PHF14: variants seen among roughly 807,000 people sequenced by gnomAD.
PHF14 encodes the protein PHD finger protein 14.
PHF14 carries 55 observed loss-of-function variants against 117.9 expected under a neutral mutation model. That is an observed-to-expected ratio of 0.47 (90% CI 0.38 to 0.58). The LOEUF (loss-of-function observed/expected upper bound fraction) is 0.58. Among genes scored for constraint, PHF14 ranks in the 20% least tolerant of loss-of-function variants. The pLI is 0.00. For synonymous variants in PHF14, 409 were observed against 368.6 expected (o/e 1.11, Z -1.26); for missense variants, 978 against 1,122.2 (o/e 0.87, Z 1.84).
chr7:11,100,444 T>C (rs1483093890), intron 16 of PHF14, among the ~76,000 whole-genome samples: 2 of 151,968 alleles, frequency 1.3e-5, no homozygotes, highest in African/African-American at 4.8e-5. Context: ...GAGAGGTAAC[T>C]GGGGTACATA....
intron 16 of PHF14, among the ~76,000 whole-genome samples, chr7:11,097,140 C>T (rs947725305): frequency 2.0e-5 from 3 of 151,792 alleles, no homozygotes; most frequent in Non-Finnish European, 2.9e-5. Context: ...CCACCATGCC[C>T]GGCTAATTTT....
intron 16 of PHF14, among the ~76,000 whole-genome samples, chr7:11,096,240 G>T (rs2128339974): frequency 6.6e-6 from 1 of 152,120 alleles, no homozygotes; most frequent in Non-Finnish European, 1.5e-5. Flanking sequence ...CATGTATTTT[G>T]TAAAGAAGAT....
At chr7:11,154,936 C>G (rs1173794850) in intron 17 of PHF14, among the ~76,000 whole-genome samples, 1 of 151,828 alleles carries the variant, frequency 6.6e-6, no homozygotes, top group Non-Finnish European at 1.5e-5. Flanking sequence ...GAATTGGCTT[C>G]TATTTAATAA....
In PHF14 at chr7:11,042,612, ATATGC is replaced by A. The variant is rs2128324053; in HGVS notation, c.2181-67_2181-63del. On this transcript the variant is annotated intron_variant, in intron 12 of 17. Transcript: ENST00000634607. ...AAGATGAAATTTTGTAAGTTGAAAA[ATATGC>A]TATAAGTAAACTGTTTCACTATGAT... The A allele has an allele frequency of 3.8e-6, 4 of 1,066,328 alleles. No individual in the cohort carries two copies. In the South Asian group the frequency reaches 7.3e-5, roughly 19 times the overall value. The allele number at this position is 1,066,328 out of a possible 1,614,324, so 66.1% of individuals were successfully genotyped here. A position where few individuals can be genotyped will look rare whatever the true frequency, so the allele number is the denominator to read the frequency against.
chr7:11,035,635 T>C lies in PHF14; in HGVS notation c.1456-5T>C. On this transcript the variant is annotated splice_region_variant and splice_polypyrimidine_tract_variant and intron_variant, in intron 7 of 17. Coordinates refer to ENST00000634607, the MANE Select transcript of PHF14 (RefSeq NM_001007157.2). ...TCACTATTTTTCTGTGCTTTCTTTG[T>C]ATAGGATATAGCAGATCCATTCTTT... 6.3e-7 allele frequency: 1 copy of C among 1,580,418 alleles called. No individual in the cohort carries two copies. The highest frequency in any genetic ancestry group is 8.6e-7 in the Non-Finnish European group (1 of 1,159,812).
intron 17 of PHF14, among the ~76,000 whole-genome samples, chr7:11,128,979 C>A (rs1161535416): frequency 2.0e-5 from 3 of 151,816 alleles, no homozygotes; most frequent in Non-Finnish European, 4.4e-5. Context: ...TGCTATTGAT[C>A]TTTTTATATC....
intron 2 of PHF14, 58 bp from the exon 3 acceptor site, chr7:10,982,308 TTGTGTG>T: frequency 3.1e-6 from 3 of 977,624 alleles, no homozygotes; most frequent in Non-Finnish European, 4.3e-6. Context: ...TGTGTCAGCG[TTGTGTG>T]TGTGTGTGTG....
intron 5 of PHF14, among the ~76,000 whole-genome samples, chr7:11,020,768 A>C (rs1449921008): frequency 6.6e-6 from 1 of 151,882 alleles, no homozygotes; most frequent in Non-Finnish European, 1.5e-5. Context: ...AAATCAGTTA[A>C]TTTTTCTGAA....
At chr7:11,029,477 A>T (rs1344489064) in intron 7 of PHF14, among the ~76,000 whole-genome samples, 3 of 152,194 alleles carry the variant, frequency 2.0e-5, no homozygotes, top group African/African-American at 7.2e-5. Flanking sequence ...CAATTTTGAG[A>T]ATCCAGCTAC....
At chr7:11,059,719 A>G (rs1785146749) in intron 14 of PHF14, among the ~76,000 whole-genome samples, 1 of 152,126 alleles carries the variant, frequency 6.6e-6, no homozygotes, top group African/African-American at 2.4e-5. Context: ...AACTACAGTG[A>G]GCTGAGATTG....
intron 14 of PHF14, among the ~76,000 whole-genome samples, chr7:11,060,845 C>T (rs1785199098): frequency 1.3e-5 from 2 of 151,932 alleles, no homozygotes; most frequent in African/African-American, 4.8e-5. Context: ...TTAGTTGACT[C>T]TTGGTTATCT....
At chr7:11,003,847 A>G (rs1782969492) in intron 4 of PHF14, among the ~76,000 whole-genome samples, 1 of 152,214 alleles carries the variant, frequency 6.6e-6, no homozygotes. Context: ...ACAATTTGGT[A>G]TGTATCTACC....
intron 17 of PHF14, among the ~76,000 whole-genome samples, chr7:11,167,613 T>C (rs529686954): frequency 6.6e-6 from 1 of 152,324 alleles, no homozygotes; most frequent in South Asian, 2.1e-4. Flanking sequence ...AATTCAGTGC[T>C]ACATATCAAA....
Position 10,985,638 on chromosome 7 carries a change from GTTTTTTTTTTTT to G in PHF14, c.900+2499_900+2510del, listed in dbSNP as rs61250143. On this transcript the variant is annotated intron_variant, in intron 3 of 17. Transcript: ENST00000634607. ...ACTCTCTAGCAGTGATTCTCAAACT[GTTTTTTTTTTTT>G]TTTTTTTTTTTTTTTTTTTGGAGAC... 8.9e-4 allele frequency among the ~76,000 whole-genome samples: 41 copies of G among 45,964 alleles called. No homozygotes were observed. The East Asian group carries it at 0.017, about 19-fold the overall frequency. The allele number at this position is 45,964 out of a possible 152,430, so 30.2% of individuals were successfully genotyped here.
intron 3 of PHF14, among the ~76,000 whole-genome samples, chr7:10,985,197 A>G (rs1782175554): frequency 6.6e-6 from 1 of 152,206 alleles, no homozygotes; most frequent in African/African-American, 2.4e-5. Flanking sequence ...GATTAAAGCT[A>G]GTCCTTGTTG....
At chr7:11,052,022 A>G (rs1349530985) in intron 14 of PHF14, among the ~76,000 whole-genome samples, 1 of 152,196 alleles carries the variant, frequency 6.6e-6, no homozygotes, top group African/African-American at 2.4e-5. Flanking sequence ...ACCCACCTTG[A>G]AAGACAGACC....
Position 11,111,342 on chromosome 7 carries a change from C to T in PHF14, c.2655-8C>T. 1 of 1,431,134 alleles carries T rather than the reference C, an allele frequency of 7.0e-7. No homozygotes were observed. Among genetic ancestry groups the T allele is most frequent in the Non-Finnish European group, 9.8e-7 (1 of 1,020,008 alleles). The allele number at this position is 1,431,134 out of a possible 1,614,324, so 88.7% of individuals were successfully genotyped here. A position where few individuals can be genotyped will look rare whatever the true frequency, so the allele number is the denominator to read the frequency against. On this transcript the variant is annotated splice_region_variant and splice_polypyrimidine_tract_variant and intron_variant, in intron 16 of 17. Transcript: ENST00000634607. Reference sequence around the variant, plus strand: ...ATACACCTACCTATAAATCTGTTTACCCTGCAGGTGTGATGAATGCAGACT... The same window carrying T: ...ATACACCTACCTATAAATCTGTTTATCCTGCAGGTGTGATGAATGCAGACT...
chr7:10,974,529 G>A (rs1172799060), intron 1 of PHF14, among the ~76,000 whole-genome samples: 1 of 152,140 alleles, frequency 6.6e-6, no homozygotes, highest in Non-Finnish European at 1.5e-5. Flanking sequence ...ATGTCTAAGT[G>A]GGGGATTACG....
chr7:11,161,142 T>A (rs1789012024), intron 17 of PHF14, among the ~76,000 whole-genome samples: 1 of 152,182 alleles, frequency 6.6e-6, no homozygotes, highest in Non-Finnish European at 1.5e-5. Flanking sequence ...GGCTAGCCAG[T>A]TGCCAGCACC....
Sources: gnomAD v4.1 joint callset for allele counts (sites outside exome capture counted in the v4.1 genomes callset) on GRCh38, gnomAD v4.1.1 for gene constraint, MANE v1.5 for transcripts, NCBI Gene and HGNC (gene_info 2026-07-23, HGNC 2026-07-21) for gene names.